FGD3: variants seen among roughly 807,000 people sequenced by gnomAD.
The protein encoded by FGD3 is FYVE, RhoGEF and PH domain containing 3, also known as FYVE, RhoGEF and PH domain-containing protein 3.
FGD3 carries 45 observed loss-of-function variants against 71.8 expected under a neutral mutation model. The observed-to-expected ratio is 0.63, with a 90% CI of 0.49 to 0.80. The LOEUF is 0.80. Among genes scored for constraint, FGD3 ranks in the 30% least tolerant of loss-of-function variants. FGD3 has a pLI of 0.00. For missense variants in FGD3, 844 were observed against 951.5 expected, an observed-to-expected ratio of 0.89 and a Z score of 1.49; for synonymous variants, 378 against 392.8, an observed-to-expected ratio of 0.96 and a Z score of 0.44.
chr9:92,992,034 G>A (rs2118652201), intron 3 of FGD3, among the ~76,000 whole-genome samples: 1 of 152,248 alleles, frequency 6.6e-6, no homozygotes, highest in East Asian at 1.9e-4. Flanking sequence ...CAGTTTATGT[G>A]TGTCTTTACA....
intron 1 of FGD3, among the ~76,000 whole-genome samples, chr9:92,954,570 C>G (rs1245111505): frequency 6.6e-6 from 1 of 152,168 alleles, no homozygotes; most frequent in Non-Finnish European, 1.5e-5. Flanking sequence ...CAGGAAGTGG[C>G]AGCCATGAGG....
At chr9:93,030,117 C>G in intron 15 of FGD3, 121 bp downstream of exon 15, 1 of 1,170,524 alleles carries the variant, frequency 8.5e-7, no homozygotes, top group South Asian at 1.5e-5. Flanking sequence ...GGAAGGGCTT[C>G]CTGATCCTGG....
chr9:93,019,655 C>A (rs1174407277), intron 11 of FGD3, among the ~76,000 whole-genome samples, 176 bp from the exon 12 acceptor site: 2 of 152,234 alleles, frequency 1.3e-5, no homozygotes. Context: ...CCACATGGCT[C>A]ACCTGGCCCC....
chr9:93,029,887 A>C lies in FGD3; in HGVS notation c.1571A>C (p.Lys524Thr). 1 of 1,613,064 alleles carries C rather than the reference A, an allele frequency of 6.2e-7. No homozygotes were observed. Among genetic ancestry groups the C allele is most frequent in the Non-Finnish European group, 8.5e-7 (1 of 1,179,424 alleles). Residue 524 changes from lysine to threonine, a missense_variant, in exon 15 of 18, where the codon AAA (lysine) becomes ACA (threonine). By Grantham distance (78) the Lys-to-Thr change is moderately conservative. Coordinates refer to ENST00000375482, the MANE Select transcript of FGD3 (RefSeq NM_001083536.2). ...SSGAAGLEPR[K>T]LSSKTRRDKE... ...GCCTCCTTATAGCTCGAGCCCAGAA[A>C]ACTATCCTCTAAGACCAGACGTGAC... is the stretch of plus-strand genomic sequence containing the variant.
chr9:93,002,717 G>A (rs1390469587), intron 3 of FGD3, among the ~76,000 whole-genome samples: 1 of 152,118 alleles, frequency 6.6e-6, no homozygotes, highest in African/African-American at 2.4e-5. Flanking sequence ...TGACGTGGTC[G>A]CTGCAACTGC....
At chr9:93,019,936 G>T (rs753919144) in intron 12 of FGD3, 75 bp downstream of exon 12, 92 of 1,547,788 alleles carry the variant, frequency 5.9e-5, no homozygotes, top group Non-Finnish European at 7.7e-5. Flanking sequence ...TTGGTTCAGA[G>T]GGTGGGGGCC....
chr9:93,015,305 A>C (rs2118768179), intron 9 of FGD3, among the ~76,000 whole-genome samples: 1 of 152,014 alleles, frequency 6.6e-6, no homozygotes, highest in South Asian at 2.1e-4. Flanking sequence ...AAAATGCAAA[A>C]ATTAGCTGGG....
chr9:92,951,851 A>G (rs975643135), intron 1 of FGD3, among the ~76,000 whole-genome samples: 53 of 152,024 alleles, frequency 3.5e-4, no homozygotes, highest in Non-Finnish European at 1.3e-4. Context: ...AATAGGTGTA[A>G]AGTAGGCTTG....
chr9:92,969,522 TC>T lies in FGD3; in HGVS notation c.-217-5711del, dbSNP rs1859458541. ...AAACCACCACTAACGCGTTTGTTGC[TC>T]CCCCTACATAACATGCCATTGTTAT... On this transcript the variant is annotated intron_variant, in intron 1 of 17. Transcript: ENST00000375482. The surrounding 1 kb of genome is among the most constrained non-coding windows in gnomAD (Gnocchi z 4.5). Among the ~76,000 whole-genome samples the T allele has an allele frequency of 6.6e-6, 1 of 152,128 alleles. No individual in the cohort carries two copies. The highest frequency in any genetic ancestry group is 6.5e-5 in the Admixed American group (1 of 15,284).
At chr9:93,023,892 C>T (rs935803604) in intron 14 of FGD3, among the ~76,000 whole-genome samples, 2 of 148,764 alleles carry the variant, frequency 1.3e-5, no homozygotes, top group Non-Finnish European at 3.0e-5. Context: ...ACCTCCACTT[C>T]CCAGGTTCAA....
intron 1 of FGD3, among the ~76,000 whole-genome samples, chr9:92,961,278 A>T (rs1008007435): frequency 3.3e-5 from 5 of 152,148 alleles, no homozygotes; most frequent in Admixed American, 1.3e-4. Context: ...CCCTTGAGGG[A>T]CAGGCTAAGG....
intron 3 of FGD3, among the ~76,000 whole-genome samples, chr9:92,996,734 A>G (rs928244060): frequency 2.0e-5 from 3 of 152,268 alleles, no homozygotes; most frequent in African/African-American, 7.2e-5. Flanking sequence ...TTCGTTATGT[A>G]CCCAGTAGTC....
At chr9:92,950,070 T>C (rs1411358979) in intron 1 of FGD3, among the ~76,000 whole-genome samples, 1 of 151,740 alleles carries the variant, frequency 6.6e-6, no homozygotes, top group Non-Finnish European at 1.5e-5. Context: ...CCTTCATCTG[T>C]TCACCTGTTA....
chr9:93,035,552 T>G lies in FGD3; in HGVS notation c.2141T>G (p.Leu714Arg). The G allele has an allele frequency of 8.7e-6, 14 of 1,603,146 alleles. No individual in the cohort carries two copies. Among genetic ancestry groups the G allele is most frequent in the Non-Finnish European group, 1.2e-5 (14 of 1,176,958 alleles). ...ACGGCCCAGGACAGCCCGGGGGCCCTGCAGCTTCAGGTCCCTATGGGCGCA... is the reference window on the plus strand; with the variant it reads ...ACGGCCCAGGACAGCCCGGGGGCCCGGCAGCTTCAGGTCCCTATGGGCGCA... ...GDTAQDSPGALQLQVPMGAAA... is the reference protein window; with the variant it reads ...GDTAQDSPGARQLQVPMGAAA... The change falls in exon 18 of 18, where the codon CTG becomes CGG. Residue 714 changes from leucine to arginine, a missense_variant. Transcript: ENST00000375482.
At chr9:93,025,940 A>G (rs1862098325) in intron 14 of FGD3, among the ~76,000 whole-genome samples, 1 of 152,306 alleles carries the variant, frequency 6.6e-6, no homozygotes, top group South Asian at 2.1e-4. Context: ...GCTGGAGCAG[A>G]GGCATCAGGC....
In FGD3 at chr9:92,976,628, G is replaced by C. The variant is rs1859768612; in HGVS notation, c.372G>C (p.Glu124Asp). 1.2e-6 allele frequency: 2 copies of C among 1,612,802 alleles called. No individual in the cohort carries two copies. The highest frequency in any genetic ancestry group is 1.7e-6 in the Non-Finnish European group (2 of 1,179,928). The part of the protein sequence containing the change: ...DSQVPKVTPQ[E>D]EADSDVGEEP... Reference sequence around the variant, plus strand: ...AGGTCCCGAAGGTCACCCCCCAGGAGGAGGCGGACAGCGACGTGGGTGAGG... The same window carrying C: ...AGGTCCCGAAGGTCACCCCCCAGGACGAGGCGGACAGCGACGTGGGTGAGG... Residue 124 changes from glutamate to aspartate, a missense_variant, in exon 3 of 18, where the codon GAG (glutamate) becomes GAC (aspartate). Transcript: ENST00000375482.
chr9:92,954,078 A>G (rs548953259), intron 1 of FGD3, among the ~76,000 whole-genome samples: 1 of 152,356 alleles, frequency 6.6e-6, no homozygotes, highest in East Asian at 1.9e-4. Flanking sequence ...AGAAGCATCA[A>G]GAAGCAAATG....
chr9:93,026,341 T>C (rs11788432), intron 14 of FGD3, among the ~76,000 whole-genome samples: 35,663 of 152,118 alleles, frequency 0.23, 4,461 homozygotes, highest in South Asian at 0.31. Flanking sequence ...GAGCTCCCTT[T>C]TTTGGGTCAA....
At chr9:93,032,928 A>T (rs1336481471) in intron 16 of FGD3, 55 bp downstream of exon 16, 5 of 1,489,542 alleles carry the variant, frequency 3.4e-6, no homozygotes, top group Non-Finnish European at 3.7e-6. Context: ...GCCTCCAGAC[A>T]CCTGCTCCTG....
Sources: gnomAD v4.1 joint callset for allele counts (sites outside exome capture counted in the v4.1 genomes callset) on GRCh38, gnomAD v4.1.1 for gene constraint, Gnocchi (gnomAD v3.1) non-coding constraint, MANE v1.5 for transcripts, NCBI Gene and HGNC (gene_info 2026-07-23, HGNC 2026-07-21) for gene names.